Variants in NIT2 observed in about 807,000 individuals in gnomAD.
NIT2 encodes the protein nitrilase family member 2.
In NIT2, 46 loss-of-function variants were observed where a neutral mutation model predicts 42.7. The observed-to-expected ratio is 1.08, with a 90% CI of 0.85 to 1.38. The LOEUF is 1.38. NIT2 is among the 40% of genes most tolerant of loss of function. The probability of loss-of-function intolerance (pLI) is 0.00; values close to 1 mark genes in which losing one functional copy is unlikely to be tolerated. For missense variants in NIT2, 309 were observed against 342.5 expected, an observed-to-expected ratio of 0.90 and a Z score of 0.77; for synonymous variants, 123 against 121.9, an observed-to-expected ratio of 1.01 and a Z score of -0.06.
chr3:100,346,110 G>A, intron 5 of NIT2, 71 bp from the exon 6 acceptor site: 3 of 1,199,396 alleles, frequency 2.5e-6, no homozygotes, highest in Non-Finnish European at 3.7e-6. Flanking sequence ...TTATGTCATG[G>A]AGGATTTCCC....
Position 100,355,418 on chromosome 3 carries a change from G to A in NIT2, c.*150G>A. Reference sequence around the variant, plus strand: ...TGAGATGAGAAAGCCTCATTATGCTGACATTTTCCACGCCACATTAAATAG... The same window carrying A: ...TGAGATGAGAAAGCCTCATTATGCTAACATTTTCCACGCCACATTAAATAG... On this transcript the variant is annotated 3_prime_UTR_variant, in exon 10 of 10. Transcript: ENST00000394140. 6.8e-6 allele frequency: 4 copies of A among 583,986 alleles called. No homozygotes were observed. The highest frequency in any genetic ancestry group is 1.2e-5 in the Non-Finnish European group (4 of 333,350). The allele number at this position is 583,986 out of a possible 1,614,324, so 36.2% of individuals were successfully genotyped here. A position where few individuals can be genotyped will look rare whatever the true frequency, so the allele number is the denominator to read the frequency against.
chr3:100,347,798 T>C (rs1706232693), intron 6 of NIT2, among the ~76,000 whole-genome samples: 3 of 152,168 alleles, frequency 2.0e-5, no homozygotes, highest in African/African-American at 7.2e-5. Context: ...TATGGAGATT[T>C]ATTGCAAAGT....
chr3:100,334,760 C>A lies in NIT2; in HGVS notation c.-32C>A. 7.7e-7 allele frequency: 1 copy of A among 1,300,884 alleles called. No individual in the cohort carries two copies. 80.6% of individuals were successfully genotyped at this position (1,300,884 alleles called of 1,614,324 possible). A position where few individuals can be genotyped will look rare whatever the true frequency, so the allele number is the denominator to read the frequency against. On this transcript the variant is annotated 5_prime_UTR_variant, in exon 1 of 10. Coordinates refer to ENST00000394140, the MANE Select transcript of NIT2 (RefSeq NM_020202.5). ...GTCCGCCGGATCTCCAGCGCTCAGT[C>A]CGCGCCGCAGGTGGTGCTTGTCTGC...
In NIT2 at chr3:100,360,885, A is replaced by C. The variant is rs1403891589; in HGVS notation, c.*5617A>C. ...GTTTGTTTACTATCTGATACAGTCA[A>C]AATAGTGTTTCCCTCTAATGCGAAA... On this transcript the variant is annotated 3_prime_UTR_variant, in exon 10 of 10. Transcript: ENST00000394140. 6.6e-6 allele frequency: 1 copy of C among 152,188 alleles called. No homozygotes were observed. The highest frequency in any genetic ancestry group is 1.5e-5 in the Non-Finnish European group (1 of 68,032). The allele number at this position is 152,188 out of a possible 1,614,324, so 9.4% of individuals were successfully genotyped here.
chr3:100,355,318 A>G lies in NIT2; in HGVS notation c.*50A>G, dbSNP rs768150387. 1 of 1,330,804 alleles carries G rather than the reference A, an allele frequency of 7.5e-7. No individual in the cohort carries two copies. The highest frequency in any genetic ancestry group is 2.0e-5 in the Admixed American group (1 of 50,660). 82.4% of individuals were successfully genotyped at this position (1,330,804 alleles called of 1,614,324 possible). ...GAATAGGACGATATGATTCTACAAC[A>G]TAATCAACTCCCTATTAAATTCTTT... On this transcript the variant is annotated 3_prime_UTR_variant, in exon 10 of 10. Transcript: ENST00000394140.
intron 7 of NIT2, among the ~76,000 whole-genome samples, chr3:100,351,791 C>T (rs905690881): frequency 1.3e-5 from 2 of 152,076 alleles, no homozygotes; most frequent in South Asian, 2.1e-4. Context: ...TTCTGCACAG[C>T]AAAAGAAACT....
chr3:100,346,267 T>A lies in NIT2; in HGVS notation c.505+12T>A. On this transcript the variant is annotated intron_variant, in intron 6 of 9. Coordinates refer to ENST00000394140, the MANE Select transcript of NIT2 (RefSeq NM_020202.5). ...CTACGCACAGAGAGGTGAGGCAGTGTAATAGCTGTGTTATGTGGGTGCTTG... is the reference window on the plus strand; with the variant it reads ...CTACGCACAGAGAGGTGAGGCAGTGAAATAGCTGTGTTATGTGGGTGCTTG... The A allele has an allele frequency of 6.2e-7, 1 of 1,613,110 alleles. No homozygotes were observed. Among genetic ancestry groups the A allele is most frequent in the East Asian group, 2.2e-5 (1 of 44,854 alleles).
At chr3:100,355,036 G>A in intron 9 of NIT2, 141 bp from the exon 10 acceptor site, 1 of 722,654 alleles carries the variant, frequency 1.4e-6, no homozygotes, top group South Asian at 1.8e-5. Flanking sequence ...AATGATGCCA[G>A]GCCATCTGTG....
chr3:100,339,644 C>T (rs946887162), intron 2 of NIT2, among the ~76,000 whole-genome samples, 171 bp from the exon 3 acceptor site: 1 of 152,102 alleles, frequency 6.6e-6, no homozygotes, highest in Non-Finnish European at 1.5e-5. Context: ...TGTAGTCTTA[C>T]CTGTGGCTAC....
chr3:100,343,565 T>C (rs1279779533), intron 4 of NIT2, among the ~76,000 whole-genome samples: 1 of 152,192 alleles, frequency 6.6e-6, no homozygotes, highest in Admixed American at 6.5e-5. Context: ...TTTTTTATAG[T>C]TTTTATTACT....
At chr3:100,342,434 CT>C (rs1325080220) in intron 4 of NIT2, among the ~76,000 whole-genome samples, 2 of 148,824 alleles carry the variant, frequency 1.3e-5, no homozygotes, top group Non-Finnish European at 3.0e-5. Context: ...CTTTGTTCAT[CT>C]TTTCTGTATT....
At chr3:100,352,183 C>A (rs968976953) in intron 7 of NIT2, among the ~76,000 whole-genome samples, 4 of 152,184 alleles carry the variant, frequency 2.6e-5, no homozygotes, top group Admixed American at 6.5e-5. Flanking sequence ...TAGTTCAACC[C>A]TTGTGGAAGT....
chr3:100,342,716 T>C (rs1470367729), intron 4 of NIT2, among the ~76,000 whole-genome samples: 1 of 152,148 alleles, frequency 6.6e-6, no homozygotes, highest in Admixed American at 6.5e-5. Context: ...CATGTATATA[T>C]GTTATAAATC....
chr3:100,344,593 A>G (rs956089142), intron 4 of NIT2, among the ~76,000 whole-genome samples: 1 of 152,076 alleles, frequency 6.6e-6, no homozygotes, highest in Non-Finnish European at 1.5e-5. Context: ...TTTGTTTAAC[A>G]TTTGTGAGAT....
rs530593259 is a variant in NIT2, at chr3:100,340,011, C to T, written c.247+76C>T. 4.1e-6 allele frequency: 5 copies of T among 1,233,338 alleles called. No individual in the cohort carries two copies. In the East Asian group the frequency reaches 1.0e-4, roughly 26 times the overall value. 76.4% of individuals were successfully genotyped at this position (1,233,338 alleles called of 1,614,324 possible). ...ATGAGTCAGGTGTGGTGGCGTGCGC[C>T]TGTATTCCCTACTTGGGAAGCTTCA... On this transcript the variant is annotated intron_variant, in intron 3 of 9. Coordinates refer to ENST00000394140, the MANE Select transcript of NIT2 (RefSeq NM_020202.5).
At chr3:100,345,233 A>G (rs376819940) in intron 4 of NIT2, among the ~76,000 whole-genome samples, 3 of 152,304 alleles carry the variant, frequency 2.0e-5, no homozygotes, top group South Asian at 2.1e-4. Flanking sequence ...TGCTGGGATT[A>G]CAGGCATGAG....
intron 1 of NIT2, among the ~76,000 whole-genome samples, chr3:100,336,578 C>T (rs1292096437): frequency 6.6e-6 from 1 of 152,144 alleles, no homozygotes; most frequent in East Asian, 1.9e-4. Flanking sequence ...AGCAGATAAA[C>T]ACGTGAACAA....
chr3:100,341,263 A>C (rs1331471085), intron 4 of NIT2, 102 bp downstream of exon 4: 1 of 765,776 alleles, frequency 1.3e-6, no homozygotes, highest in Non-Finnish European at 2.3e-6. Context: ...TCATTATATC[A>C]CACATGTATT....
chr3:100,346,059 A>G (rs1251795382), intron 5 of NIT2, 122 bp from the exon 6 acceptor site: 8 of 727,962 alleles, frequency 1.1e-5, no homozygotes, highest in Non-Finnish European at 1.9e-5. Flanking sequence ...CTCTGTCCTC[A>G]GGTCCTGTGT....
Sources: allele counts gnomAD v4.1 joint callset (sites outside exome capture counted in the v4.1 genomes callset), GRCh38; gene constraint gnomAD v4.1.1; transcripts MANE v1.5; gene names NCBI Gene and HGNC (gene_info 2026-07-23, HGNC 2026-07-21).